The following ADGRF1 variants were observed in gnomAD, a reference collection of about 807,000 sequenced individuals.
ADGRF1 encodes adhesion G protein-coupled receptor F1, also known as G protein-coupled receptor 110.
Under a neutral mutation model 87.2 loss-of-function variants are expected in ADGRF1, and 85 were observed. The ratio of observed to expected loss-of-function variants is 0.97; its 90% CI spans 0.82 to 1.17. ADGRF1 has a LOEUF of 1.17. Among genes scored for constraint, ADGRF1 ranks in the 50% most tolerant of loss-of-function variants. ADGRF1 has a pLI of 0.00. For missense variants in ADGRF1, 1,169 were observed against 1,077.2 expected (o/e 1.09, Z -1.19); for synonymous variants, 430 against 408.8 (o/e 1.05, Z -0.63).
intron 1 of ADGRF1, among the ~76,000 whole-genome samples, chr6:47,033,928 C>A (rs762448570): frequency 6.6e-6 from 1 of 152,106 alleles, no homozygotes; most frequent in African/African-American, 2.4e-5. Flanking sequence ...GTTATATGAG[C>A]GAGACAAACT....
At position 47,027,780 on chromosome 6, in the gene ADGRF1, A is replaced by AT; in HGVS notation, c.70-20dup. On this transcript the variant is annotated intron_variant, in intron 2 of 14. Transcript: ENST00000371253. ...CATTTTTCTGTTAAAAAGAAAAAAA[A>AT]TAGTTACGGTGAGACTTTGAAGAGT... 7.2e-7 allele frequency: 1 copy of AT among 1,389,886 alleles called. No homozygotes were observed. Among genetic ancestry groups the AT allele is most frequent in the Non-Finnish European group, 1.0e-6 (1 of 976,676 alleles). The allele number at this position is 1,389,886 out of a possible 1,614,324, so 86.1% of individuals were successfully genotyped here.
intron 10 of ADGRF1, among the ~76,000 whole-genome samples, chr6:47,011,637 G>A (rs1779709575): frequency 6.6e-6 from 1 of 152,208 alleles, no homozygotes; most frequent in African/African-American, 2.4e-5. Context: ...TCAGTTGAGA[G>A]AAGGTGTTAT....
At chr6:47,032,968 C>T (rs949705216) in intron 1 of ADGRF1, among the ~76,000 whole-genome samples, 1 of 152,138 alleles carries the variant, frequency 6.6e-6, no homozygotes, top group Non-Finnish European at 1.5e-5. Context: ...GCAGGGTCAT[C>T]ATAAATCCCT....
chr6:47,010,227 C>A lies in ADGRF1; in HGVS notation c.1208G>T (p.Arg403Leu). 1 of 1,613,934 alleles carries A rather than the reference C, an allele frequency of 6.2e-7. No individual in the cohort carries two copies. Among genetic ancestry groups the A allele is most frequent in the Non-Finnish European group, 8.5e-7 (1 of 1,179,962 alleles). The change falls in exon 11 of 15, where the codon CGG (arginine) becomes CTG (leucine). Residue 403 changes from arginine to leucine, a missense_variant. Transcript: ENST00000371253. ...LLREEKYASS[R>L]LLETLENIST... Reference sequence around the variant, plus strand: ...GATGTTTTCTAATGTCTCTAGTAACCGTGAGCTGGCATACTTTTCTTCCCG... The same window carrying A: ...GATGTTTTCTAATGTCTCTAGTAACAGTGAGCTGGCATACTTTTCTTCCCG...
intron 8 of ADGRF1, among the ~76,000 whole-genome samples, chr6:47,015,366 T>C (rs933593883): frequency 1.3e-5 from 2 of 152,114 alleles, no homozygotes; most frequent in Non-Finnish European, 2.9e-5. Flanking sequence ...CTTATCATGA[T>C]TGGAACTAGG....
At chr6:47,011,448 A>G (rs998626615) in intron 10 of ADGRF1, among the ~76,000 whole-genome samples, 22 of 152,254 alleles carry the variant, frequency 1.4e-4, no homozygotes, top group Non-Finnish European at 2.9e-4. Flanking sequence ...CACGCTATAT[A>G]TCACTTGTCA....
At chr6:47,028,250 C>G (rs1368421901) in intron 2 of ADGRF1, among the ~76,000 whole-genome samples, 4 of 152,040 alleles carry the variant, frequency 2.6e-5, no homozygotes, top group African/African-American at 4.8e-5. Context: ...AGGCAAGAGA[C>G]AATGAAGGTG....
At chr6:47,037,357 T>C (rs1230104376) in intron 1 of ADGRF1, among the ~76,000 whole-genome samples, 3 of 152,236 alleles carry the variant, frequency 2.0e-5, no homozygotes, top group African/African-American at 7.2e-5. Context: ...AGGAACTCTT[T>C]TGTCTTTGTC....
At chr6:47,030,572 G>T (rs1239290564) in intron 1 of ADGRF1, among the ~76,000 whole-genome samples, 2 of 132,854 alleles carry the variant, frequency 1.5e-5, no homozygotes, top group Non-Finnish European at 3.2e-5. Context: ...GTGATAACAT[G>T]AATATGTGTG....
At chr6:47,001,456 A>G in intron 14 of ADGRF1, 45 bp downstream of exon 14, 2 of 1,493,732 alleles carry the variant, frequency 1.3e-6, no homozygotes, top group Non-Finnish European at 1.9e-6. Context: ...ATACTCATAT[A>G]CTCTTTTCAC....
intron 13 of ADGRF1, among the ~76,000 whole-genome samples, chr6:47,004,436 T>C (rs887319641): frequency 1.3e-5 from 2 of 152,228 alleles, no homozygotes; most frequent in Middle Eastern, 3.2e-3. Flanking sequence ...ATACAGACAC[T>C]GCCTTCTCAG....
chr6:47,023,791 A>G (rs1268940879), intron 5 of ADGRF1, among the ~76,000 whole-genome samples: 1 of 152,178 alleles, frequency 6.6e-6, no homozygotes. Flanking sequence ...TCTCAATAAA[A>G]TCATATGATT....
intron 2 of ADGRF1, among the ~76,000 whole-genome samples, chr6:47,028,777 A>T (rs560141897): frequency 6.6e-6 from 1 of 152,212 alleles, no homozygotes; most frequent in Non-Finnish European, 1.5e-5. Flanking sequence ...CTCCTTTTGC[A>T]GTTTGATCAT....
At chr6:47,001,622 G>T in intron 13 of ADGRF1, 55 bp from the exon 14 acceptor site, 1 of 1,389,546 alleles carries the variant, frequency 7.2e-7, no homozygotes, top group Non-Finnish European at 1.0e-6. Context: ...TTTACTGTTG[G>T]TCTGCATTTC....
chr6:47,000,915 T>A (rs188143988), intron 14 of ADGRF1, among the ~76,000 whole-genome samples: 1 of 152,258 alleles, frequency 6.6e-6, no homozygotes, highest in Non-Finnish European at 1.5e-5. Flanking sequence ...CCAAGAATGC[T>A]GTGGCTACTT....
At chr6:47,001,451 C>CA in intron 14 of ADGRF1, 50 bp downstream of exon 14, 1 of 1,432,072 alleles carries the variant, frequency 7.0e-7, no homozygotes, top group South Asian at 1.2e-5. Flanking sequence ...ATGATATACT[C>CA]ATATACTCTT....
intron 2 of ADGRF1, 120 bp from the exon 3 acceptor site, chr6:47,027,881 G>C: frequency 2.8e-6 from 2 of 716,786 alleles, no homozygotes; most frequent in South Asian, 3.4e-5. Flanking sequence ...AGGGATGGTG[G>C]AGAGGCGGCC....
At chr6:47,023,965 A>G in intron 5 of ADGRF1, 79 bp downstream of exon 5, 1 of 1,277,354 alleles carries the variant, frequency 7.8e-7, no homozygotes, top group Non-Finnish European at 1.1e-6. Context: ...TTGACTAGCT[A>G]GACAATGAGC....
At chr6:47,031,339 C>CT (rs1180305301) in intron 1 of ADGRF1, among the ~76,000 whole-genome samples, 1 of 136,904 alleles carries the variant, frequency 7.3e-6, no homozygotes, top group East Asian at 2.1e-4. Context: ...TCTTCTCTCT[C>CT]TCTCTCTCTC....
Sources: allele counts gnomAD v4.1 joint callset (sites outside exome capture counted in the v4.1 genomes callset), GRCh38; gene constraint gnomAD v4.1.1; transcripts MANE v1.5; gene names NCBI Gene and HGNC (gene_info 2026-07-23, HGNC 2026-07-21).